PHEX: variants seen among roughly 807,000 people sequenced by gnomAD.
PHEX encodes phosphate-regulating neutral endopeptidase PHEX.
PHEX carries 16 observed loss-of-function variants against 68.0 expected under a neutral mutation model. That is an observed-to-expected ratio of 0.24 (90% CI 0.16 to 0.36). PHEX has a LOEUF of 0.36. PHEX is among the 10% of genes least tolerant of loss of function. The probability of loss-of-function intolerance (pLI) is 1.00; values close to 1 mark genes in which losing one functional copy is unlikely to be tolerated. For missense variants in PHEX, 480 were observed against 575.5 expected (o/e 0.83, Z 1.70); for synonymous variants, 208 against 205.1 (o/e 1.01, Z -0.12).
chrX:22,131,248 C>T (rs1602322058), intron 11 of PHEX, among the ~76,000 whole-genome samples: 1 of 110,723 alleles, frequency 9.0e-6, no homozygotes, highest in Non-Finnish European at 1.9e-5. Context: ...ACCATGTTGG[C>T]CAGGCTGGTC....
At chrX:22,079,371 A>G (rs1929289985) in intron 5 of PHEX, among the ~76,000 whole-genome samples, 1 of 111,976 alleles carries the variant, frequency 8.9e-6, no homozygotes. Flanking sequence ...CAACCTTCTG[A>G]TGTTATGTTT....
chrX:22,058,299 A>G (rs897827275), intron 3 of PHEX, among the ~76,000 whole-genome samples: 1 of 112,053 alleles, frequency 8.9e-6, no homozygotes, highest in Non-Finnish European at 1.9e-5. Context: ...ATCCAATGAG[A>G]TGCGTAGAAA....
intron 15 of PHEX, among the ~76,000 whole-genome samples, chrX:22,197,770 C>T (rs1305696296): frequency 9.0e-6 from 1 of 111,125 alleles, no homozygotes; most frequent in Non-Finnish European, 1.9e-5. Flanking sequence ...CAGGTACTAA[C>T]TGAGTTTGGT....
At chrX:22,061,418 A>G (rs1174965327) in intron 3 of PHEX, among the ~76,000 whole-genome samples, 2 of 111,499 alleles carry the variant, frequency 1.8e-5, no homozygotes, top group Non-Finnish European at 3.8e-5. Flanking sequence ...CATCTTTACA[A>G]TGTGACAAAA....
intron 5 of PHEX, among the ~76,000 whole-genome samples, chrX:22,087,840 T>C (rs1401644567): frequency 8.9e-6 from 1 of 112,316 alleles, no homozygotes; most frequent in African/African-American, 3.2e-5. Context: ...TATTTATCTT[T>C]AGTCAGTTGC....
intron 10 of PHEX, among the ~76,000 whole-genome samples, chrX:22,112,487 C>A (rs762192013): frequency 1.8e-5 from 2 of 112,268 alleles, no homozygotes; most frequent in East Asian, 5.6e-4. Context: ...GCTATGATTT[C>A]ATTCAAGAGG....
intron 20 of PHEX, among the ~76,000 whole-genome samples, chrX:22,239,037 C>A (rs1225719177): frequency 8.9e-6 from 1 of 111,958 alleles, no homozygotes; most frequent in African/African-American, 3.3e-5. Flanking sequence ...AAGGAACAGG[C>A]AGCAATCTTT....
intron 3 of PHEX, among the ~76,000 whole-genome samples, chrX:22,050,164 T>G (rs770172225): frequency 5.7e-4 from 64 of 112,964 alleles, no homozygotes; most frequent in Non-Finnish European, 1.1e-3. Context: ...TGCCAATCCC[T>G]GATGCCTAGT....
At chrX:22,055,586 G>A (rs1390289755) in intron 3 of PHEX, among the ~76,000 whole-genome samples, 3 of 110,207 alleles carry the variant, frequency 2.7e-5, no homozygotes, top group African/African-American at 9.9e-5. Context: ...TTTTGAGGCG[G>A]AGTCTCGCTC....
intron 14 of PHEX, among the ~76,000 whole-genome samples, chrX:22,184,980 G>T (rs1457244987): frequency 8.9e-6 from 1 of 112,068 alleles, no homozygotes; most frequent in Non-Finnish European, 1.9e-5. Flanking sequence ...TAGACTATCT[G>T]TAGGAGTTGA....
At chrX:22,199,139 G>A (rs1349352372) in intron 15 of PHEX, among the ~76,000 whole-genome samples, 1 of 110,973 alleles carries the variant, frequency 9.0e-6, no homozygotes, top group Non-Finnish European at 1.9e-5. Flanking sequence ...GCTTTGGGTG[G>A]GAACACAGCC....
intron 8 of PHEX, among the ~76,000 whole-genome samples, chrX:22,098,227 G>A (rs1930236462): frequency 9.3e-6 from 1 of 107,134 alleles, no homozygotes; most frequent in African/African-American, 3.4e-5. Flanking sequence ...AAAATGTACC[G>A]TATAGAGGAA....
chrX:22,060,383 G>A (rs1007853473), intron 3 of PHEX, among the ~76,000 whole-genome samples: 4 of 110,834 alleles, frequency 3.6e-5, no homozygotes, highest in African/African-American at 1.3e-4. Context: ...TGGAGGTGCT[G>A]GGAGCTAAGT....
intron 3 of PHEX, among the ~76,000 whole-genome samples, chrX:22,063,960 C>T (rs918222013): frequency 1.8e-5 from 2 of 112,345 alleles, no homozygotes; most frequent in African/African-American, 6.5e-5. Flanking sequence ...GTGTCTTCCA[C>T]AGCCTTACCA....
In PHEX at chrX:22,168,353, A is replaced by G. The variant is rs756146878; in HGVS notation, c.1446A>G (p.Ile482Met). The G allele has an allele frequency of 2.5e-6, 3 of 1,195,409 alleles. No homozygotes were observed. Among genetic ancestry groups the G allele is most frequent in the Non-Finnish European group, 3.4e-6 (3 of 880,636 alleles). The change falls in exon 13 of 22, where the codon ATA (isoleucine) becomes ATG (methionine). Residue 482 changes from isoleucine to methionine, a missense_variant. Transcript: ENST00000379374. ...CAAAAGTTGGCTATCCAGAGTTTAT[A>G]ATGAATGATACTCATGTTAATGAAG... is the stretch of plus-strand genomic sequence containing the variant. ...VLAKVGYPEF[I>M]MNDTHVNEDL...
intron 12 of PHEX, among the ~76,000 whole-genome samples, chrX:22,153,671 G>A (rs1241301117): frequency 9.0e-6 from 1 of 111,586 alleles, no homozygotes; most frequent in Non-Finnish European, 1.9e-5. Context: ...TGACACTCGT[G>A]CAGCAATTCT....
intron 21 of PHEX, 79 bp from the exon 22 acceptor site, chrX:22,247,772 A>G: frequency 1.4e-6 from 1 of 708,720 alleles, no homozygotes; most frequent in Admixed American, 2.3e-5. Context: ...CTTTCTAGCA[A>G]TATTCTGCTA....
At chrX:22,180,549 C>A (rs1933852737) in intron 14 of PHEX, among the ~76,000 whole-genome samples, 1 of 111,775 alleles carries the variant, frequency 8.9e-6, no homozygotes, top group African/African-American at 3.2e-5. Flanking sequence ...TATTTCAATA[C>A]AGGCATAAAA....
chrX:22,197,439 G>A (rs1378020694), intron 15 of PHEX, among the ~76,000 whole-genome samples: 1 of 110,801 alleles, frequency 9.0e-6, no homozygotes, highest in Non-Finnish European at 1.9e-5. Context: ...TGTTCACTCT[G>A]GGGGAAGCCA....
Sources: allele counts gnomAD v4.1 joint callset (sites outside exome capture counted in the v4.1 genomes callset), GRCh38; gene constraint gnomAD v4.1.1; transcripts MANE v1.5; gene names NCBI Gene and HGNC (gene_info 2026-07-23, HGNC 2026-07-21).